Variants in ZNF106 observed in about 807,000 individuals in gnomAD.
ZNF106 encodes the protein zinc finger protein 106.
ZNF106 carries 67 observed loss-of-function variants against 195.1 expected under a neutral mutation model. That is an observed-to-expected ratio of 0.34 (90% CI 0.28 to 0.42). The LOEUF is 0.42. Ranked by LOEUF, ZNF106 falls within the 10% of genes least tolerant of loss-of-function variation. ZNF106 has a pLI of 1.00. For missense variants in ZNF106, 2,118 were observed against 2,304.5 expected (o/e 0.92, Z 1.66); for synonymous variants, 784 against 818.6 (o/e 0.96, Z 0.72).
chr15:42,459,925 C>G (rs575041783), intron 3 of ZNF106, among the ~76,000 whole-genome samples: 2 of 152,028 alleles, frequency 1.3e-5, no homozygotes, highest in East Asian at 3.9e-4. Flanking sequence ...CGCCTGTAAT[C>G]CCAGCTACTC....
At chr15:42,490,281 T>C (rs2057120057) in intron 1 of ZNF106, 1 of 151,590 alleles carries the variant, frequency 6.6e-6, no homozygotes, top group South Asian at 2.1e-4. Flanking sequence ...ATATAAACCA[T>C]TATGGTGGAT....
Position 42,428,042 on chromosome 15 carries a change from G to T in ZNF106, c.4974C>A (p.Gly1658=). The T allele has an allele frequency of 1.2e-6, 2 of 1,614,018 alleles. No individual in the cohort carries two copies. The highest frequency in any genetic ancestry group is 2.7e-5 in the African/African-American group (2 of 75,024). ...CCTTTATGTTGAAGGTGACCACAGT[G>T]CCATTTGCCAGTCCCGCATAGAGGA... is the stretch of plus-strand genomic sequence containing the variant. The part of the protein sequence containing the change: ...WRILYAGLAN[G]TVVTFNIKNN... Residue 1658 remains glycine (G), a synonymous_variant, in exon 15 of 22, where the codon GGC becomes GGA. Transcript: ENST00000564754.
In ZNF106 at chr15:42,435,291, G is replaced by T. The variant is rs1051184880; in HGVS notation, c.4881+93C>A. On this transcript the variant is annotated intron_variant, in intron 14 of 21. Transcript: ENST00000564754. ...AGAAGCAAAAAGGAGATGGTGGGTA[G>T]AATGAAGCGTCTGCCACAGTGTCTC... The T allele has an allele frequency of 5.9e-6, 9 of 1,535,866 alleles. No homozygotes were observed. In the South Asian group the frequency reaches 1.1e-4, roughly 18 times the overall value.
At chr15:42,467,231 C>T (rs1487083499) in intron 2 of ZNF106, among the ~76,000 whole-genome samples, 1 of 152,204 alleles carries the variant, frequency 6.6e-6, no homozygotes, top group Non-Finnish European at 1.5e-5. Flanking sequence ...CTACAGTATA[C>T]ACAGCCAGTA....
At chr15:42,487,490 C>CAAAA (rs961444853) in intron 1 of ZNF106, among the ~76,000 whole-genome samples, 526 of 44,556 alleles carry the variant, frequency 0.012, 32 homozygotes, top group African/African-American at 0.041. Flanking sequence ...GACCCTGTCT[C>CAAAA]AAAAAAAAAA....
chr15:42,477,261 C>G (rs963930729), intron 1 of ZNF106, among the ~76,000 whole-genome samples: 1 of 152,108 alleles, frequency 6.6e-6, no homozygotes, highest in African/African-American at 2.4e-5. Flanking sequence ...AACTTGAGGT[C>G]AAGTCTTTAG....
chr15:42,453,529 T>C (rs2056119524), intron 4 of ZNF106, among the ~76,000 whole-genome samples: 1 of 152,158 alleles, frequency 6.6e-6, no homozygotes, highest in South Asian at 2.1e-4. Context: ...TACCTGAGTG[T>C]CAGGCATTTA....
chr15:42,480,938 T>G (rs1221783996), intron 1 of ZNF106, among the ~76,000 whole-genome samples: 3 of 152,122 alleles, frequency 2.0e-5, no homozygotes, highest in Non-Finnish European at 4.4e-5. Flanking sequence ...TGAACAGAGA[T>G]AGCGCCACTG....
chr15:42,475,542 C>T (rs2056768344), intron 1 of ZNF106, among the ~76,000 whole-genome samples: 1 of 152,150 alleles, frequency 6.6e-6, no homozygotes, highest in East Asian at 1.9e-4. Context: ...GCTACCAAAA[C>T]AAAGAAATAT....
chr15:42,425,536 C>A (rs1424756143), intron 15 of ZNF106: 1 of 154,518 alleles, frequency 6.5e-6, no homozygotes, highest in African/African-American at 2.4e-5. Flanking sequence ...GAGTCTCGCT[C>A]TGTCGCCCAG....
At chr15:42,482,121 A>G (rs2056911113) in intron 1 of ZNF106, among the ~76,000 whole-genome samples, 1 of 152,120 alleles carries the variant, frequency 6.6e-6, no homozygotes. Flanking sequence ...TTTATTTCAG[A>G]TATCATATTT....
intron 10 of ZNF106, among the ~76,000 whole-genome samples, chr15:42,440,983 TAA>T (rs35854257): frequency 0.025 from 494 of 19,774 alleles, 12 homozygotes; most frequent in Non-Finnish European, 0.027. Context: ...AAACTCTGTC[TAA>T]AAAAAAAAAA....
chr15:42,418,428 G>A (rs1033736553), intron 20 of ZNF106, among the ~76,000 whole-genome samples: 3 of 144,042 alleles, frequency 2.1e-5, no homozygotes, highest in Non-Finnish European at 4.5e-5. Flanking sequence ...GCACGATCTC[G>A]GCTCACTGCA....
intron 4 of ZNF106, among the ~76,000 whole-genome samples, chr15:42,455,223 G>T (rs1250516081): frequency 2.0e-5 from 3 of 152,120 alleles, no homozygotes; most frequent in Admixed American, 2.0e-4. Context: ...GACCAGAAAG[G>T]TTTTGCATTT....
chr15:42,441,991 C>A, intron 10 of ZNF106, 82 bp downstream of exon 10: 1 of 1,110,128 alleles, frequency 9.0e-7, no homozygotes, highest in Non-Finnish European at 1.3e-6. Context: ...TTTTAATGAG[C>A]AAGTATGGCT....
At chr15:42,458,170 T>C (rs143168417) in intron 3 of ZNF106, among the ~76,000 whole-genome samples, 1 of 152,194 alleles carries the variant, frequency 6.6e-6, no homozygotes, top group African/African-American at 2.4e-5. Flanking sequence ...TTAGACTAGT[T>C]ATATTTTTGC....
At chr15:42,446,436 A>T (rs1040369474) in intron 7 of ZNF106, among the ~76,000 whole-genome samples, 153 bp downstream of exon 7, 2 of 152,130 alleles carry the variant, frequency 1.3e-5, no homozygotes, top group Non-Finnish European at 2.9e-5. Context: ...AAAAGAATTA[A>T]TGTAGTGTCA....
At chr15:42,459,304 C>T (rs1179530334) in intron 3 of ZNF106, among the ~76,000 whole-genome samples, 1 of 151,810 alleles carries the variant, frequency 6.6e-6, no homozygotes, top group Non-Finnish European at 1.5e-5. Context: ...GGTAAAACCC[C>T]GTCTCTACTA....
At position 42,422,605 on chromosome 15, in the gene ZNF106, G is replaced by A. The variant is rs751935490; in HGVS notation, c.5269C>T (p.Arg1757Trp). 8.1e-6 allele frequency: 13 copies of A among 1,610,860 alleles called. No homozygotes were observed. The East Asian group carries it at 1.1e-4, about 14-fold the overall frequency. ...GCATGATTGTGACCTTTATAGATCC[G>A]CACGAGCTCACCAGTCTATGTCAGA... Reference protein sequence around the residue: ...AHNIHTGELVRIYKGHNHAVT... With the variant: ...AHNIHTGELVWIYKGHNHAVT... Residue 1757 changes from arginine to tryptophan, a missense_variant, in exon 18 of 22, where the codon CGG (arginine) becomes TGG (tryptophan). Transcript: ENST00000564754.
Sources: allele counts gnomAD v4.1 joint callset (sites outside exome capture counted in the v4.1 genomes callset), GRCh38; gene constraint gnomAD v4.1.1; transcripts MANE v1.5; gene names NCBI Gene and HGNC (gene_info 2026-07-23, HGNC 2026-07-21).